The following SMARCA5 variants were observed in gnomAD, a reference collection of about 807,000 sequenced individuals.
The protein encoded by SMARCA5 is SNF2 related chromatin remodeling ATPase 5.
In SMARCA5, 18 loss-of-function variants were observed where a neutral mutation model predicts 140.4. The observed-to-expected ratio is 0.13, with a 90% CI of 0.09 to 0.19. The LOEUF is 0.19. Ranked by LOEUF, SMARCA5 falls within the 10% of genes least tolerant of loss-of-function variation. The probability of loss-of-function intolerance (pLI) is 1.00; values close to 1 mark genes in which losing one functional copy is unlikely to be tolerated. For synonymous variants in SMARCA5, 449 were observed against 419.6 expected (o/e 1.07, Z -0.86); for missense variants, 606 against 1,276.8 (o/e 0.47, Z 8.01).
At chr4:143,548,262 A>C (rs1737570775) in intron 22 of SMARCA5, 122 bp downstream of exon 22, 1 of 579,838 alleles carries the variant, frequency 1.7e-6, no homozygotes, top group African/African-American at 1.9e-5. Context: ...TATTGTTAGT[A>C]TCATAAAACC....
intron 2 of SMARCA5, among the ~76,000 whole-genome samples, chr4:143,520,375 C>G (rs930837993): frequency 2.0e-5 from 3 of 152,182 alleles, no homozygotes; most frequent in African/African-American, 7.2e-5. Context: ...TACTGGGGTT[C>G]TAGCATGTTC....
At chr4:143,521,661 A>C in intron 3 of SMARCA5, 66 bp downstream of exon 3, 2 of 1,328,040 alleles carry the variant, frequency 1.5e-6, no homozygotes, top group Non-Finnish European at 2.1e-6. Flanking sequence ...GTGGAAGCAT[A>C]AAATCACTAT....
intron 13 of SMARCA5, among the ~76,000 whole-genome samples, chr4:143,539,698 G>A (rs1224209056): frequency 6.6e-6 from 1 of 151,894 alleles, no homozygotes; most frequent in Non-Finnish European, 1.5e-5. Context: ...CACCACGCCT[G>A]ACTAATTTTG....
intron 22 of SMARCA5, 29 bp downstream of exon 22, chr4:143,548,169 G>T: frequency 2.2e-6 from 3 of 1,353,212 alleles, no homozygotes; most frequent in Non-Finnish European, 3.1e-6. Flanking sequence ...TTTGTGTAAT[G>T]TAGCAGAGTT....
In SMARCA5 at chr4:143,533,044, A is replaced by G. The variant is rs372951242; in HGVS notation, c.1159-1811A>G. Among the ~76,000 whole-genome samples the G allele has an allele frequency of 1.8e-3, 277 of 152,328 alleles. 1 individual carries two copies. The highest frequency in any genetic ancestry group is 6.3e-3 in the African/African-American group (260 of 41,576). ...TCACTATTTTTAAAAACCAGTGTAA[A>G]TAGAACAGAGGTACAAAAAAGGGTA... On this transcript the variant is annotated intron_variant, in intron 9 of 23. Transcript: ENST00000283131.
chr4:143,519,346 A>G (rs1736908666), intron 2 of SMARCA5, among the ~76,000 whole-genome samples: 1 of 151,994 alleles, frequency 6.6e-6, no homozygotes, highest in South Asian at 2.1e-4. Flanking sequence ...TCTCTTTTCC[A>G]TATCACCCTA....
At chr4:143,536,364 C>A in intron 10 of SMARCA5, 88 bp from the exon 11 acceptor site, 2 of 834,154 alleles carry the variant, frequency 2.4e-6, no homozygotes, top group Non-Finnish European at 4.0e-6. Flanking sequence ...TTTGGGGGTT[C>A]ATGTGGGGAA....
At chr4:143,538,561 TGATAATA>T in intron 11 of SMARCA5, 22 bp from the exon 12 acceptor site, 1 of 1,600,618 alleles carries the variant, frequency 6.2e-7, no homozygotes, top group Middle Eastern at 1.7e-4. Context: ...TTGAAGCCAC[TGATAATA>T]GATTGTTATA....
intron 10 of SMARCA5, among the ~76,000 whole-genome samples, chr4:143,535,783 T>A (rs1737289909): frequency 6.6e-6 from 1 of 152,180 alleles, no homozygotes; most frequent in South Asian, 2.1e-4. Context: ...GATCCAAGGC[T>A]CTAAAACTTT....
intron 6 of SMARCA5, 113 bp downstream of exon 6, chr4:143,526,573 G>A: frequency 1.4e-6 from 1 of 707,606 alleles, no homozygotes; most frequent in East Asian, 2.6e-5. Flanking sequence ...GCAAATATTA[G>A]TATTTACAAA....
Position 143,544,944 on chromosome 4 carries a change from T to C in SMARCA5, c.2283+97T>C, listed in dbSNP as rs1005354723. The C allele has an allele frequency of 1.8e-5, 10 of 561,610 alleles. No homozygotes were observed. In the South Asian group the frequency reaches 2.1e-4, roughly 12 times the overall value. The allele number at this position is 561,610 out of a possible 1,614,324, so 34.8% of individuals were successfully genotyped here. ...AAAAGATTGATAATTAGATTTTGTG[T>C]TTCTTTTTTTTTTTTTTTTTTGAGA... On this transcript the variant is annotated intron_variant, in intron 17 of 23. Coordinates refer to ENST00000283131, the MANE Select transcript of SMARCA5 (RefSeq NM_003601.4).
intron 2 of SMARCA5, among the ~76,000 whole-genome samples, chr4:143,521,204 A>G (rs950074222): frequency 2.6e-5 from 4 of 152,006 alleles, no homozygotes; most frequent in African/African-American, 9.7e-5. Context: ...TCTGCTTTCT[A>G]TCACTAGTTA....
In SMARCA5 at chr4:143,546,921, A is replaced by G; in HGVS notation, c.2653+13A>G. 3.1e-6 allele frequency: 5 copies of G among 1,611,708 alleles called. No homozygotes were observed. Among genetic ancestry groups the G allele is most frequent in the Non-Finnish European group, 4.2e-6 (5 of 1,178,546 alleles). On this transcript the variant is annotated intron_variant, in intron 20 of 23. Transcript: ENST00000283131. Reference sequence around the variant, plus strand: ...ATTGAATATTCAGGTAATTCTTTTAAGCAGGCTGTTGGAGTTTAGTAAGAG... The same window carrying G: ...ATTGAATATTCAGGTAATTCTTTTAGGCAGGCTGTTGGAGTTTAGTAAGAG...
intron 9 of SMARCA5, among the ~76,000 whole-genome samples, chr4:143,533,547 G>A (rs1001442929): frequency 1.5e-5 from 2 of 137,926 alleles, no homozygotes; most frequent in Admixed American, 8.0e-5. Context: ...TAGCTCTGTC[G>A]CCCAGGATGG....
chr4:143,547,607 T>G (rs1169083940), intron 21 of SMARCA5, 104 bp downstream of exon 21: 2 of 688,414 alleles, frequency 2.9e-6, no homozygotes, highest in East Asian at 5.2e-5. Context: ...GTTTACAATT[T>G]AAAATTTCTT....
intron 9 of SMARCA5, among the ~76,000 whole-genome samples, chr4:143,531,898 T>C (rs932968526): frequency 6.6e-6 from 1 of 152,236 alleles, no homozygotes; most frequent in Non-Finnish European, 1.5e-5. Flanking sequence ...CCAGCCAGGC[T>C]GAGGCTGGCC....
chr4:143,528,853 T>C (rs1220484923), intron 8 of SMARCA5, 139 bp downstream of exon 8: 3 of 636,046 alleles, frequency 4.7e-6, no homozygotes, highest in Non-Finnish European at 7.5e-6. Context: ...ATAGTTAGCC[T>C]GGTGTTATCT....
At chr4:143,543,008 G>A (rs555297501) in intron 14 of SMARCA5, among the ~76,000 whole-genome samples, 2 of 152,242 alleles carry the variant, frequency 1.3e-5, no homozygotes, top group South Asian at 4.1e-4. Context: ...TAAGTTTTTA[G>A]GAGTTTCAGT....
chr4:143,519,810 C>T (rs1736919626), intron 2 of SMARCA5, among the ~76,000 whole-genome samples: 1 of 152,120 alleles, frequency 6.6e-6, no homozygotes, highest in African/African-American at 2.4e-5. Context: ...TATTTATTGC[C>T]TATCAGTCTC....
Sources: allele counts gnomAD v4.1 joint callset (sites outside exome capture counted in the v4.1 genomes callset), GRCh38; gene constraint gnomAD v4.1.1; transcripts MANE v1.5; gene names NCBI Gene and HGNC (gene_info 2026-07-23, HGNC 2026-07-21).